The following NCAM2 variants were observed in gnomAD, a reference collection of about 807,000 sequenced individuals.
The protein encoded by NCAM2 is neural cell adhesion molecule 2.
A neutral mutation model predicts 98.1 loss-of-function variants in NCAM2; 30 were observed. The ratio of observed to expected loss-of-function variants is 0.31; its 90% CI spans 0.23 to 0.41. The LOEUF (loss-of-function observed/expected upper bound fraction) is 0.41. NCAM2 is among the 10% of genes least tolerant of loss of function. The probability of loss-of-function intolerance (pLI) is 1.00; values close to 1 mark genes in which losing one functional copy is unlikely to be tolerated. For synonymous variants in NCAM2, 368 were observed against 342.4 expected, an observed-to-expected ratio of 1.07 and a Z score of -0.83; for missense variants, 867 against 1,005.8, an observed-to-expected ratio of 0.86 and a Z score of 1.87.
intron 9 of NCAM2, among the ~76,000 whole-genome samples, chr21:21,391,799 T>G (rs1205177287): frequency 9.7e-6 from 1 of 103,506 alleles, no homozygotes; most frequent in Non-Finnish European, 1.9e-5. Flanking sequence ...ATTTGAAACA[T>G]TGCTGGTTAG....
intron 1 of NCAM2, among the ~76,000 whole-genome samples, chr21:21,184,381 T>TTTTAACTG (rs1277588101): frequency 6.6e-6 from 1 of 152,026 alleles, no homozygotes; most frequent in African/African-American, 2.4e-5. Flanking sequence ...ACATTCTCTG[T>TTTTAACTG]TTTAACTGTG....
chr21:21,298,765 A>G (rs1424166813), intron 5 of NCAM2, among the ~76,000 whole-genome samples: 1 of 151,670 alleles, frequency 6.6e-6, no homozygotes, highest in African/African-American at 2.4e-5. Flanking sequence ...CAGATTTTCT[A>G]AGTACACTTA....
At chr21:21,477,229 T>C in intron 14 of NCAM2, 62 bp from the exon 15 acceptor site, 1 of 1,293,450 alleles carries the variant, frequency 7.7e-7, no homozygotes, top group Non-Finnish European at 1.0e-6. Flanking sequence ...ATATAATTTT[T>C]TTAAAAAGGT....
chr21:21,452,944 T>G (rs1225248823), intron 12 of NCAM2, among the ~76,000 whole-genome samples: 2 of 90,020 alleles, frequency 2.2e-5, no homozygotes, highest in East Asian at 5.2e-4. Context: ...TATAATATAA[T>G]TTATACTATA....
intron 1 of NCAM2, among the ~76,000 whole-genome samples, chr21:21,193,859 T>C (rs2068911414): frequency 6.6e-6 from 1 of 152,162 alleles, no homozygotes; most frequent in Non-Finnish European, 1.5e-5. Flanking sequence ...TTGTTATTCT[T>C]GCATTATTAT....
chr21:21,417,760 A>G (rs959656739), intron 10 of NCAM2, among the ~76,000 whole-genome samples: 1 of 152,064 alleles, frequency 6.6e-6, no homozygotes, highest in Non-Finnish European at 1.5e-5. Flanking sequence ...CCTAGAGTGA[A>G]AAAGAATGGT....
chr21:21,480,366 CAA>C (rs59203448), intron 15 of NCAM2, among the ~76,000 whole-genome samples: 4,377 of 69,774 alleles, frequency 0.063, 66 homozygotes, highest in South Asian at 0.12. Flanking sequence ...GACTCCATCT[CAA>C]AAAAAAAAAA....
At chr21:21,373,821 A>G (rs756589119) in intron 8 of NCAM2, 42 bp from the exon 9 acceptor site, 3 of 1,520,930 alleles carry the variant, frequency 2.0e-6, no homozygotes, top group South Asian at 2.6e-5. Flanking sequence ...TTTTGCACAC[A>G]CAAGCATAAA....
intron 5 of NCAM2, among the ~76,000 whole-genome samples, chr21:21,305,348 T>C (rs1157225165): frequency 6.6e-6 from 1 of 151,924 alleles, no homozygotes; most frequent in African/African-American, 2.4e-5. Flanking sequence ...ATAAAAATAA[T>C]AATATCACTA....
intron 1 of NCAM2, among the ~76,000 whole-genome samples, chr21:21,019,300 T>G (rs576418288): frequency 6.6e-6 from 1 of 152,328 alleles, no homozygotes; most frequent in South Asian, 2.1e-4. Flanking sequence ...CTGCAAAAAT[T>G]TTATTTTTAT....
chr21:21,239,208 T>G (rs1233888048), intron 1 of NCAM2: 1 of 152,198 alleles, frequency 6.6e-6, no homozygotes, highest in African/African-American at 2.4e-5. Context: ...CCAGAAATTT[T>G]TCCCTGAGGC....
intron 6 of NCAM2, among the ~76,000 whole-genome samples, chr21:21,329,529 GC>G (rs1001600481): frequency 1.3e-5 from 2 of 152,100 alleles, no homozygotes; most frequent in Non-Finnish European, 2.9e-5. Flanking sequence ...GTTAGGCAAT[GC>G]ATGACTGCAT....
intron 5 of NCAM2, among the ~76,000 whole-genome samples, chr21:21,306,648 T>C (rs774837679): frequency 6.6e-6 from 1 of 152,148 alleles, no homozygotes; most frequent in Non-Finnish European, 1.5e-5. Flanking sequence ...CACATTCACA[T>C]GAGAATGGGG....
chr21:21,316,204 A>G (rs1337830453), intron 5 of NCAM2, among the ~76,000 whole-genome samples: 1 of 152,098 alleles, frequency 6.6e-6, no homozygotes, highest in Non-Finnish European at 1.5e-5. Context: ...AGTTCCAATT[A>G]TTTCTTTCTG....
At chr21:21,355,731 A>G (rs969824197) in intron 8 of NCAM2, among the ~76,000 whole-genome samples, 1 of 151,466 alleles carries the variant, frequency 6.6e-6, no homozygotes, top group African/African-American at 2.4e-5. Flanking sequence ...TTCTCCTGAC[A>G]TAGCCTCCGG....
At chr21:21,025,693 A>G (rs1253259852) in intron 1 of NCAM2, among the ~76,000 whole-genome samples, 1 of 152,178 alleles carries the variant, frequency 6.6e-6, no homozygotes, top group African/African-American at 2.4e-5. Flanking sequence ...GAGGCATTTT[A>G]TAAGAAAAAT....
intron 1 of NCAM2, among the ~76,000 whole-genome samples, chr21:21,015,712 G>GT (rs376789575): frequency 4.0e-5 from 6 of 151,418 alleles, no homozygotes; most frequent in Non-Finnish European, 7.4e-5. Flanking sequence ...TTTGTTTTTG[G>GT]TTTTTTTTGA....
chr21:21,182,220 A>T (rs2068501112), intron 1 of NCAM2, among the ~76,000 whole-genome samples: 1 of 152,066 alleles, frequency 6.6e-6, no homozygotes, highest in African/African-American at 2.4e-5. Flanking sequence ...ATTGATATAA[A>T]CCTTCCCATG....
At chr21:21,451,673 A>C (rs993050897) in intron 12 of NCAM2, among the ~76,000 whole-genome samples, 2 of 152,184 alleles carry the variant, frequency 1.3e-5, no homozygotes, top group Non-Finnish European at 2.9e-5. Flanking sequence ...ATTAAAGACA[A>C]AAGGGAATCC....
Sources: allele counts gnomAD v4.1 joint callset (sites outside exome capture counted in the v4.1 genomes callset), GRCh38; gene constraint gnomAD v4.1.1; transcripts MANE v1.5; gene names NCBI Gene and HGNC (gene_info 2026-07-23, HGNC 2026-07-21).